ZCCHC2: variants seen among roughly 807,000 people sequenced by gnomAD.
The protein encoded by ZCCHC2 is zinc finger CCHC-type containing 2, also known as zinc finger CCHC domain-containing protein 2.
In ZCCHC2, 39 loss-of-function variants were observed where a neutral mutation model predicts 103.6. The ratio of observed to expected loss-of-function variants is 0.38; its 90% CI spans 0.29 to 0.49. ZCCHC2 has a LOEUF of 0.49. Among genes scored for constraint, ZCCHC2 ranks in the 20% least tolerant of loss-of-function variants. The pLI, the probability that ZCCHC2 is intolerant of heterozygous loss-of-function variation, is 0.96. For synonymous variants in ZCCHC2, 687 were observed against 608.9 expected, an observed-to-expected ratio of 1.13 and a Z score of -1.89; for missense variants, 1,483 against 1,491.0, an observed-to-expected ratio of 0.99 and a Z score of 0.09.
At chr18:62,552,828 C>T (rs561103405) in intron 5 of ZCCHC2, among the ~76,000 whole-genome samples, 3 of 150,908 alleles carry the variant, frequency 2.0e-5, no homozygotes, top group African/African-American at 2.4e-5. Context: ...AGCTTGAGGC[C>T]GCAGTGAGCT....
rs1598954856 is a variant in ZCCHC2 at position 62,560,702 on chromosome 18, C to T, written c.1550+58C>T. On this transcript the variant is annotated intron_variant, in intron 8 of 13. Transcript: ENST00000269499. ...TTGGTATGTTTTAAAATCAATGTAA[C>T]ATTTAATTAAATTTCTGATGTATTT... 2.2e-6 allele frequency: 3 copies of T among 1,339,742 alleles called. No homozygotes were observed. In the East Asian group the frequency reaches 7.0e-5, roughly 31 times the overall value. The allele number at this position is 1,339,742 out of a possible 1,614,324, so 83.0% of individuals were successfully genotyped here.
chr18:62,575,536 A>C lies in ZCCHC2; in HGVS notation c.3455A>C (p.Glu1152Ala). The C allele has an allele frequency of 6.2e-6, 10 of 1,613,308 alleles. No individual in the cohort carries two copies. The highest frequency in any genetic ancestry group is 8.5e-6 in the Non-Finnish European group (10 of 1,179,362). The part of the protein sequence containing the change: ...YAQDCKQSSM[E>A]ANQQGTYRLR... The stretch of plus-strand genomic sequence containing the variant: ...CAGGACTGTAAGCAGTCGTCCATGG[A>C]GGCCAATCAACAAGGTAATCACAAT... The change falls in exon 13 of 14, where the codon GAG (glutamate) becomes GCG (alanine). Residue 1152 changes from glutamate to alanine, a missense_variant. Around this residue, in one of 3 missense-constraint regions of ZCCHC2, gnomAD observed 884 missense variants for 907.5 expected, o/e 0.97. Transcript: ENST00000269499.
At chr18:62,572,829 C>T (rs1945756) in intron 12 of ZCCHC2, among the ~76,000 whole-genome samples, 33,669 of 151,928 alleles carry the variant, frequency 0.22, 3,932 homozygotes, top group South Asian at 0.31. Flanking sequence ...TTTGACTGTG[C>T]ACTGGTGTGA....
chr18:62,546,702 T>G (rs1915428959), intron 4 of ZCCHC2, among the ~76,000 whole-genome samples: 2 of 152,248 alleles, frequency 1.3e-5, no homozygotes, highest in Admixed American at 6.5e-5. Context: ...GCATGGAGTC[T>G]GCCTTCTACT....
chr18:62,523,376 G>GCGGGCCCC lies in ZCCHC2; in HGVS notation c.-48_-47insGGGCCCCC. On this transcript the variant is annotated 5_prime_UTR_variant, in exon 1 of 14. Transcript: ENST00000269499. Reference sequence around the variant, plus strand: ...GCCTCGGCCCGTGCTCCACCTCGCGGCCCCTCCCGCCCGCCCCCGCTCGCA... The same window carrying GCGGGCCCC: ...GCCTCGGCCCGTGCTCCACCTCGCGGCGGGCCCCCCCCTCCCGCCCGCCCCCGCTCGCA... 5 of 1,012,356 alleles carry GCGGGCCCC rather than the reference G, an allele frequency of 4.9e-6. No individual in the cohort carries two copies. Among genetic ancestry groups the GCGGGCCCC allele is most frequent in the Non-Finnish European group, 5.9e-6 (5 of 848,992 alleles). The allele number at this position is 1,012,356 out of a possible 1,614,324, so 62.7% of individuals were successfully genotyped here.
At position 62,570,129 on chromosome 18, in the gene ZCCHC2, C is replaced by T; in HGVS notation, c.1873C>T (p.His625Tyr). 1.2e-6 allele frequency: 2 copies of T among 1,612,410 alleles called. No homozygotes were observed. The highest frequency in any genetic ancestry group is 1.7e-6 in the Non-Finnish European group (2 of 1,179,150). ...TGTGAATTTGGACATTGGCTCTGGA[C>T]ATGACACATGTGGAGAAACATCTTC... ...KDVNLDIGSG[H>Y]DTCGETSSES... Residue 625 changes from histidine (H) to tyrosine (Y), a missense_variant, in exon 12 of 14, where the codon CAT (histidine) becomes TAT (tyrosine). This residue lies in a region of ZCCHC2 where 884 missense variants were observed against 907.5 expected (regional missense o/e 0.97). Coordinates refer to ENST00000269499, the MANE Select transcript of ZCCHC2 (RefSeq NM_017742.6).
rs748355508 is a variant in ZCCHC2, at chr18:62,556,272, A to T, written c.1383A>T (p.Ile461=). ...AAGTACACAGCTTCTTTCAGTCCAT[A>T]TCATCAGACTCCCTACACAGTATCA... The part of the protein sequence containing the change: ...SQKVHSFFQS[I]SSDSLHSINN... The change falls in exon 6 of 14, where the codon ATA becomes ATT. Residue 461 remains isoleucine (I), a synonymous_variant. Transcript: ENST00000269499. 1 of 1,605,138 alleles carries T rather than the reference A, an allele frequency of 6.2e-7. No homozygotes were observed. The highest frequency in any genetic ancestry group is 2.2e-5 in the East Asian group (1 of 44,728).
At chr18:62,573,558 A>G (rs889008687) in intron 12 of ZCCHC2, among the ~76,000 whole-genome samples, 5 of 151,910 alleles carry the variant, frequency 3.3e-5, no homozygotes, top group Admixed American at 6.6e-5. Context: ...ATTCCATTCT[A>G]AAAAAAACAA....
Position 62,542,482 on chromosome 18 carries a change from GT to G in ZCCHC2, c.1052-8del, listed in dbSNP as rs751670619. ...GTCTTTGTAGCACAAGTCACCGTGT[GT>G]TTTTTTTCTTTCAGCTGTACACATT... On this transcript the variant is annotated splice_polypyrimidine_tract_variant and intron_variant, in intron 2 of 13. Coordinates refer to ENST00000269499, the MANE Select transcript of ZCCHC2 (RefSeq NM_017742.6). 12 of 1,547,366 alleles carry G rather than the reference GT, an allele frequency of 7.8e-6. No individual in the cohort carries two copies. Among genetic ancestry groups the G allele is most frequent in the East Asian group, 2.4e-5 (1 of 41,436 alleles).
chr18:62,531,082 A>G (rs926773342), intron 1 of ZCCHC2, among the ~76,000 whole-genome samples: 2 of 152,096 alleles, frequency 1.3e-5, no homozygotes, highest in African/African-American at 4.8e-5. Context: ...AAAGGGAAGC[A>G]AAAAGGCCTG....
At chr18:62,547,199 G>A (rs1237671687) in intron 4 of ZCCHC2, among the ~76,000 whole-genome samples, 6 of 151,950 alleles carry the variant, frequency 3.9e-5, no homozygotes, top group East Asian at 3.9e-4. Flanking sequence ...GGTGGCGGGC[G>A]CCTGTAATCA....
chr18:62,557,584 ACAAC>A (rs1367394524), intron 6 of ZCCHC2, among the ~76,000 whole-genome samples: 1 of 152,222 alleles, frequency 6.6e-6, no homozygotes, highest in African/African-American at 2.4e-5. Context: ...CTGAATGATA[ACAAC>A]AGCATTTATT....
chr18:62,535,396 T>A (rs1914876380), intron 1 of ZCCHC2, among the ~76,000 whole-genome samples: 1 of 152,230 alleles, frequency 6.6e-6, no homozygotes, highest in Non-Finnish European at 1.5e-5. Flanking sequence ...CCTATGAATC[T>A]GCCTATTTAA....
At position 62,523,598 on chromosome 18, in the gene ZCCHC2, G is replaced by A. The variant is rs1306779136; in HGVS notation, c.174G>A (p.Leu58=). ...PPPAGPSRGP[L]PPPPPPRGLG... is the part of the protein sequence containing the mutation. The stretch of plus-strand genomic sequence containing the variant: ...CCGCGGGCCCGTCGCGGGGCCCTCT[G>A]CCGCCGCCGCCGCCGCCCCGGGGAC... The change falls in exon 1 of 14, where the codon CTG becomes CTA. Residue 58 remains leucine (L), a synonymous_variant. Transcript: ENST00000269499. 1.5e-3 allele frequency: 1,421 copies of A among 958,520 alleles called. 3 individuals carry two copies. Among genetic ancestry groups the A allele is most frequent in the Non-Finnish European group, 1.7e-3 (1,351 of 789,568 alleles). The allele number at this position is 958,520 out of a possible 1,614,324, so 59.4% of individuals were successfully genotyped here.
At chr18:62,524,546 C>A in intron 1 of ZCCHC2, 183 bp downstream of exon 1, 1 of 947,244 alleles carries the variant, frequency 1.1e-6, no homozygotes, top group Non-Finnish European at 1.5e-6. Flanking sequence ...CCGTTCCACT[C>A]CCCCACCCCA....
At chr18:62,572,517 G>A (rs1916634015) in intron 12 of ZCCHC2, among the ~76,000 whole-genome samples, 2 of 152,150 alleles carry the variant, frequency 1.3e-5, no homozygotes, top group African/African-American at 4.8e-5. Flanking sequence ...TATCCATTAT[G>A]GTAGAGAGTT....
intron 11 of ZCCHC2, among the ~76,000 whole-genome samples, chr18:62,569,225 C>G (rs752252551): frequency 6.6e-6 from 1 of 152,160 alleles, no homozygotes; most frequent in Non-Finnish European, 1.5e-5. Flanking sequence ...CCAGCCAAAA[C>G]CACAAGTCAG....
Position 62,573,738 on chromosome 18 carries a change from AAG to A in ZCCHC2, c.1976-316_1976-315del, listed in dbSNP as rs3834615. Among the ~76,000 whole-genome samples the A allele has an allele frequency of 3.3e-5, 5 of 152,354 alleles. No individual in the cohort carries two copies. In the East Asian group the frequency reaches 9.6e-4, roughly 29 times the overall value. Reference sequence around the variant, plus strand: ...GGATTGCCTGAAGTTTATTAAGGTTAAGAGTGTCTGATGCTCTTCTCAGTACA... The same window carrying A: ...GGATTGCCTGAAGTTTATTAAGGTTAAGTGTCTGATGCTCTTCTCAGTACA... On this transcript the variant is annotated intron_variant, in intron 12 of 13. Transcript: ENST00000269499.
chr18:62,564,985 A>G lies in ZCCHC2; in HGVS notation c.1752-17A>G. 1 of 1,549,432 alleles carries G rather than the reference A, an allele frequency of 6.5e-7. No individual in the cohort carries two copies. The highest frequency in any genetic ancestry group is 8.9e-7 in the Non-Finnish European group (1 of 1,121,742). On this transcript the variant is annotated splice_polypyrimidine_tract_variant and intron_variant, in intron 10 of 13. Coordinates refer to ENST00000269499, the MANE Select transcript of ZCCHC2 (RefSeq NM_017742.6). ...ATAACCTTATTAAAATGTTGGCAAT[A>G]TGTTCATTTGGTTTAGGGAGAAAAT...
Sources: allele counts gnomAD v4.1 joint callset (sites outside exome capture counted in the v4.1 genomes callset), GRCh38; gene constraint gnomAD v4.1.1; regional missense constraint gnomAD v4.1.1; transcripts MANE v1.5; gene names NCBI Gene and HGNC (gene_info 2026-07-23, HGNC 2026-07-21).